Variants in SELENBP1 observed in about 807,000 individuals in gnomAD.
The protein encoded by SELENBP1 is methanethiol oxidase.
Under a neutral mutation model 61.0 loss-of-function variants are expected in SELENBP1, and 71 were observed. That is an observed-to-expected ratio of 1.16 (90% CI 0.96 to 1.42). The LOEUF (loss-of-function observed/expected upper bound fraction) is 1.42. Among genes scored for constraint, SELENBP1 ranks in the 40% most tolerant of loss-of-function variants. The pLI, the probability that SELENBP1 is intolerant of heterozygous loss-of-function variation, is 0.00. For synonymous variants in SELENBP1, 270 were observed against 238.9 expected, an observed-to-expected ratio of 1.13 and a Z score of -1.20; for missense variants, 561 against 605.0, an observed-to-expected ratio of 0.93 and a Z score of 0.76.
chr1:151,364,570 G>T lies in SELENBP1; in HGVS notation c.1392C>A (p.Gly464=). The stretch of plus-strand genomic sequence containing the variant: ...AAATCCAGATGTCAGAGCTACAATC[G>T]CCCCCAGGGTAGCGGAGCTCATGGG... ...ALAHELRYPG[G]DCSSDIWI is the part of the protein sequence containing the mutation. Residue 464 remains glycine (G), a synonymous_variant, in exon 12 of 12, where the codon GGC becomes GGA. Transcript: ENST00000368868. 6.2e-7 allele frequency: 1 copy of T among 1,614,110 alleles called. No homozygotes were observed. The highest frequency in any genetic ancestry group is 8.5e-7 in the Non-Finnish European group (1 of 1,179,994).
At chr1:151,369,216 C>T (rs2102098571) in intron 3 of SELENBP1, 27 bp from the exon 4 acceptor site, 1 of 1,597,618 alleles carries the variant, frequency 6.3e-7, no homozygotes, top group Middle Eastern at 1.8e-4. Context: ...GGTGGTGCTC[C>T]CCCAGGCCAC....
chr1:151,370,091 C>T lies in SELENBP1; in HGVS notation c.5-322G>A, dbSNP rs543893225. 1,256 of 1,091,840 alleles carry T rather than the reference C, an allele frequency of 1.2e-3. 2 individuals carry two copies. The highest frequency in any genetic ancestry group is 1.1e-3 in the Non-Finnish European group (894 of 796,902). 67.6% of individuals were successfully genotyped at this position (1,091,840 alleles called of 1,614,324 possible). A position where few individuals can be genotyped will look rare whatever the true frequency, so the allele number is the denominator to read the frequency against. On this transcript the variant is annotated intron_variant, in intron 1 of 11. Transcript: ENST00000368868. ...CACGGACTCGGGGCCCAACCCCAGC[C>T]CACCACTGACTAGCCAGGGGAGCTT... is the stretch of plus-strand genomic sequence containing the variant.
In SELENBP1 at chr1:151,372,533, C is replaced by T. The variant is rs1385106036; in HGVS notation, c.4+105G>A. On this transcript the variant is annotated intron_variant, in intron 1 of 11. Transcript: ENST00000368868. ...ACAATGAAGCAGAGTCCACTACTCC[C>T]TCCCCAGCTCCCCACTCAGGTTTTC... 15 of 1,440,166 alleles carry T rather than the reference C, an allele frequency of 1.0e-5. 1 individual carries two copies. Among genetic ancestry groups the T allele is most frequent in the South Asian group, 2.3e-5 (2 of 86,952 alleles). The allele number at this position is 1,440,166 out of a possible 1,614,324, so 89.2% of individuals were successfully genotyped here.
intron 10 of SELENBP1, 63 bp from the exon 11 acceptor site, chr1:151,365,107 C>T: frequency 6.3e-7 from 1 of 1,583,944 alleles, no homozygotes; most frequent in Non-Finnish European, 8.6e-7. Flanking sequence ...ACCCCAACCC[C>T]AAGAGTATGC....
At chr1:151,366,069 T>C in intron 7 of SELENBP1, 2 of 747,134 alleles carry the variant, frequency 2.7e-6, no homozygotes, top group Non-Finnish European at 4.4e-6. Flanking sequence ...GCACAGACAT[T>C]CACTAAGTAG....
At chr1:151,371,556 T>G (rs1652140002) in intron 1 of SELENBP1, among the ~76,000 whole-genome samples, 1 of 151,084 alleles carries the variant, frequency 6.6e-6, no homozygotes, top group Non-Finnish European at 1.5e-5. Context: ...TCACAGGAGT[T>G]AAGGAGACTG....
rs758383458 is a variant in SELENBP1, at chr1:151,369,702, T to A, written c.61+11A>T. 5 of 1,551,432 alleles carry A rather than the reference T, an allele frequency of 3.2e-6. No homozygotes were observed. The highest frequency in any genetic ancestry group is 3.9e-5 in the Admixed American group (2 of 50,986). ...TAGTAGGGCGCTGGCTCTCAGACCA[T>A]GGGCAATTACCTTTCATGGCCTCCA... On this transcript the variant is annotated intron_variant, in intron 2 of 11. Transcript: ENST00000368868.
intron 1 of SELENBP1, among the ~76,000 whole-genome samples, chr1:151,372,333 C>G (rs927490488): frequency 1.3e-5 from 2 of 152,178 alleles, no homozygotes; most frequent in African/African-American, 4.8e-5. Flanking sequence ...CTAAGAGCGC[C>G]CATCTGATTT....
In SELENBP1 at chr1:151,365,014, T is replaced by C. The variant is rs1379711412; in HGVS notation, c.1168A>G (p.Ile390Val). The change falls in exon 11 of 12, where the codon ATC becomes GTC. Residue 390 changes from isoleucine (I) to valine (V), a missense_variant. Physicochemically the swap from Ile to Val is conservative, Grantham distance 29. Coordinates refer to ENST00000368868, the MANE Select transcript of SELENBP1 (RefSeq NM_003944.4). ...GKRVAGGPQM[I>V]QLSLDGKRLY... ...CGCTTCCCATCCAGGCTGAGCTGGA[T>C]CATCTGAGGGCCTCCAGCCACCCGT... 5 of 1,611,412 alleles carry C rather than the reference T, an allele frequency of 3.1e-6. No individual in the cohort carries two copies. The highest frequency in any genetic ancestry group is 4.2e-6 in the Non-Finnish European group (5 of 1,179,036).
At position 151,372,631 on chromosome 1, in the gene SELENBP1, T is replaced by C; in HGVS notation, c.4+7A>G. The C allele has an allele frequency of 6.2e-7, 1 of 1,614,118 alleles. No individual in the cohort carries two copies. The highest frequency in any genetic ancestry group is 8.5e-7 in the Non-Finnish European group (1 of 1,180,026). On this transcript the variant is annotated splice_region_variant and intron_variant, in intron 1 of 11. Coordinates refer to ENST00000368868, the MANE Select transcript of SELENBP1 (RefSeq NM_003944.4). ...GGCAATGGGTGATTGGAAACCCCTCTCCTTACCCATGCTGCCGACTGGTAC... is the reference window on the plus strand; with the variant it reads ...GGCAATGGGTGATTGGAAACCCCTCCCCTTACCCATGCTGCCGACTGGTAC...
chr1:151,368,986 C>T lies in SELENBP1; in HGVS notation c.360+18G>A, dbSNP rs777831985. ...GGTGTCTTATGGTCTACTGAGCTGG[C>T]AAGGGCAGAGGACATGCCTTGTGCA... On this transcript the variant is annotated intron_variant, in intron 4 of 11. Transcript: ENST00000368868. 1.0e-5 allele frequency: 16 copies of T among 1,594,486 alleles called. No homozygotes were observed. In the South Asian group the frequency reaches 1.8e-4, roughly 18 times the overall value.
Position 151,369,511 on chromosome 1 carries a change from G to C in SELENBP1, c.105C>G (p.Asn35Lys), listed in dbSNP as rs200597926. 1 of 1,612,194 alleles carries C rather than the reference G, an allele frequency of 6.2e-7. No homozygotes were observed. The highest frequency in any genetic ancestry group is 2.2e-5 in the East Asian group (1 of 44,834). Residue 35 changes from asparagine (N) to lysine (K), a missense_variant, in exon 3 of 12, where the codon AAC becomes AAG. By Grantham distance (94) the Asn-to-Lys change is moderately conservative. Coordinates refer to ENST00000368868, the MANE Select transcript of SELENBP1 (RefSeq NM_003944.4). ...EIVYLPCIYR[N>K]TGTEAPDYLA... ...GATAATCTGGGGCCTCAGTGCCTGT[G>C]TTTCGGTAAATGCAGGGCAGGTAGA...
chr1:151,372,367 G>C (rs1652180367), intron 1 of SELENBP1, among the ~76,000 whole-genome samples: 1 of 152,168 alleles, frequency 6.6e-6, no homozygotes, highest in Non-Finnish European at 1.5e-5. Context: ...AAGGCACCCT[G>C]GTCCCAGCCT....
chr1:151,364,813 T>C (rs1205003927), intron 11 of SELENBP1, 108 bp from the exon 12 acceptor site: 2 of 1,486,294 alleles, frequency 1.3e-6, no homozygotes, highest in Non-Finnish European at 1.8e-6. Flanking sequence ...AGGGTCTCAA[T>C]GGGCCATCTG....
intron 11 of SELENBP1, 86 bp downstream of exon 11, chr1:151,364,840 G>A (rs981732335): frequency 2.0e-6 from 3 of 1,507,442 alleles, no homozygotes; most frequent in Non-Finnish European, 2.7e-6. Context: ...GGGGTACAGG[G>A]GTCTCCTTGA....
intron 1 of SELENBP1, among the ~76,000 whole-genome samples, chr1:151,370,797 C>T (rs1285854515): frequency 6.6e-6 from 1 of 152,170 alleles, no homozygotes; most frequent in Non-Finnish European, 1.5e-5. Context: ...GTCCTGTGGC[C>T]AGTCCAGCCT....
chr1:151,367,140 C>T, intron 5 of SELENBP1: 1 of 1,020,518 alleles, frequency 9.8e-7, no homozygotes, highest in Non-Finnish European at 1.3e-6. Flanking sequence ...GTCAGGAGTT[C>T]AGGATCAGCC....
chr1:151,365,709 C>G, intron 8 of SELENBP1, 25 bp from the exon 9 acceptor site: 1 of 1,614,084 alleles, frequency 6.2e-7, no homozygotes, highest in Non-Finnish European at 8.5e-7. Flanking sequence ...CGAGTAGAGC[C>G]TTTAAGGACT....
chr1:151,372,609 A>G (rs1652190618), intron 1 of SELENBP1, 29 bp downstream of exon 1: 7 of 1,614,132 alleles, frequency 4.3e-6, no homozygotes, highest in Admixed American at 1.7e-5. Flanking sequence ...CAGAGCAGGC[A>G]ATGGGTGATT....
Sources: gnomAD v4.1 joint callset for allele counts (sites outside exome capture counted in the v4.1 genomes callset) on GRCh38, gnomAD v4.1.1 for gene constraint, MANE v1.5 for transcripts, NCBI Gene and HGNC (gene_info 2026-07-23, HGNC 2026-07-21) for gene names.